The following ATP10D variants were observed in gnomAD, a reference collection of about 807,000 sequenced individuals.
ATP10D encodes the protein phospholipid-transporting ATPase VD.
ATP10D carries 89 observed loss-of-function variants against 144.8 expected under a neutral mutation model. The ratio of observed to expected loss-of-function variants is 0.61; its 90% CI spans 0.52 to 0.73. The LOEUF (loss-of-function observed/expected upper bound fraction) is 0.73. ATP10D is among the 30% of genes least tolerant of loss of function. ATP10D has a pLI of 0.00. For synonymous variants in ATP10D, 571 were observed against 615.1 expected (o/e 0.93, Z 1.06); for missense variants, 1,603 against 1,714.8 (o/e 0.93, Z 1.15).
intron 20 of ATP10D, among the ~76,000 whole-genome samples, chr4:47,581,702 G>T (rs1034260283): frequency 4.6e-5 from 7 of 152,212 alleles, no homozygotes; most frequent in African/African-American, 1.7e-4. Flanking sequence ...AGCTAGAAGT[G>T]TGAGTGAAAG....
In ATP10D at chr4:47,554,636, A is replaced by G. The variant is rs1043285495; in HGVS notation, c.1636-90A>G. ...GTTTACCATCTCATGATTCATTTAG[A>G]TCCTGGCTATACAAGTTATTTCTCA... On this transcript the variant is annotated intron_variant, in intron 10 of 22. Coordinates refer to ENST00000273859, the MANE Select transcript of ATP10D (RefSeq NM_020453.4). 3 of 1,033,082 alleles carry G rather than the reference A, an allele frequency of 2.9e-6. No homozygotes were observed. The African/African-American group carries it at 4.9e-5, about 17-fold the overall frequency. The allele number at this position is 1,033,082 out of a possible 1,614,324, so 64.0% of individuals were successfully genotyped here. A position where few individuals can be genotyped will look rare whatever the true frequency, so the allele number is the denominator to read the frequency against.
intron 9 of ATP10D, among the ~76,000 whole-genome samples, chr4:47,542,960 T>C (rs1718229340): frequency 6.6e-6 from 1 of 152,200 alleles, no homozygotes; most frequent in African/African-American, 2.4e-5. Context: ...GGCTAGGAGT[T>C]ACACGATCAT....
rs200009926 is a variant in ATP10D, at chr4:47,522,866, GC to G, written c.486-142del. The G allele has an allele frequency of 5.3e-4, 357 of 672,642 alleles. 3 individuals are homozygous for G. In the African/African-American group the frequency reaches 5.7e-3, roughly 11 times the overall value. The allele number at this position is 672,642 out of a possible 1,614,324, so 41.7% of individuals were successfully genotyped here. On this transcript the variant is annotated intron_variant, in intron 3 of 22. Transcript: ENST00000273859. ...TTACAGGCGTGAGCCAACTTGCCTGGCCCCTTTGAGCATTTAATAGATTAAA... is the reference window on the plus strand; with the variant it reads ...TTACAGGCGTGAGCCAACTTGCCTGGCCCTTTGAGCATTTAATAGATTAAA...
At chr4:47,506,733 T>G (rs1026824318) in intron 1 of ATP10D, among the ~76,000 whole-genome samples, 2 of 152,208 alleles carry the variant, frequency 1.3e-5, no homozygotes, top group African/African-American at 4.8e-5. Context: ...AGCACCTGGT[T>G]GTCTATGTGG....
intron 5 of ATP10D, among the ~76,000 whole-genome samples, chr4:47,528,729 C>T (rs1717405270): frequency 6.6e-6 from 1 of 152,092 alleles, no homozygotes; most frequent in Non-Finnish European, 1.5e-5. Context: ...GAGAGGTCTT[C>T]ATACTGTTAT....
At chr4:47,546,911 G>T in intron 10 of ATP10D, 49 bp downstream of exon 10, 1 of 1,522,814 alleles carries the variant, frequency 6.6e-7, no homozygotes. Context: ...AATGTATGAT[G>T]AGAGAACAGC....
At chr4:47,550,817 G>T (rs191903862) in intron 10 of ATP10D, among the ~76,000 whole-genome samples, 1 of 152,204 alleles carries the variant, frequency 6.6e-6, no homozygotes, top group South Asian at 2.1e-4. Context: ...TGCCAGATCC[G>T]CAGGGGTGGA....
At chr4:47,526,020 G>A (rs1284945692) in intron 5 of ATP10D, among the ~76,000 whole-genome samples, 5 of 152,186 alleles carry the variant, frequency 3.3e-5, no homozygotes, top group Non-Finnish European at 7.4e-5. Flanking sequence ...CTACTTCACA[G>A]TGTGAGAAGA....
chr4:47,581,787 T>A (rs1267638277), intron 20 of ATP10D, among the ~76,000 whole-genome samples, 173 bp from the exon 21 acceptor site: 8 of 152,176 alleles, frequency 5.3e-5, no homozygotes. Flanking sequence ...AGATGCCCTG[T>A]CTGGGAGAGA....
At chr4:47,519,354 G>A (rs1223692868) in intron 3 of ATP10D, among the ~76,000 whole-genome samples, 2 of 152,158 alleles carry the variant, frequency 1.3e-5, no homozygotes, top group African/African-American at 4.8e-5. Context: ...AACAAAATGG[G>A]CCTAGAAGCT....
chr4:47,521,480 A>G (rs1466817052), intron 3 of ATP10D, among the ~76,000 whole-genome samples: 1 of 152,044 alleles, frequency 6.6e-6, no homozygotes, highest in African/African-American at 2.4e-5. Flanking sequence ...GACCATCTTC[A>G]TTCCTCCCCT....
rs751728626 is a variant in ATP10D at position 47,560,983 on chromosome 4, G to A, written c.2576G>A (p.Arg859Lys). The change falls in exon 14 of 23, where the codon AGG becomes AAG. Residue 859 changes from arginine (R) to lysine (K), a missense_variant. Transcript: ENST00000273859. ...GACACTGAATATGCAGAGTGGCTGA[G>A]GAATCATTTTTTAGCTGAAACCAGC... ...MSDTEYAEWL[R>K]NHFLAETSID... 3.8e-5 allele frequency: 62 copies of A among 1,614,006 alleles called. No homozygotes were observed. Among genetic ancestry groups the A allele is most frequent in the Non-Finnish European group, 5.2e-5 (61 of 1,179,984 alleles).
intron 19 of ATP10D, among the ~76,000 whole-genome samples, chr4:47,579,983 G>A (rs1310591345): frequency 6.6e-6 from 1 of 152,214 alleles, no homozygotes; most frequent in Admixed American, 6.5e-5. Context: ...GAAGCAAAGA[G>A]GGCAGTTAGA....
At chr4:47,567,768 G>A (rs207464673) in intron 15 of ATP10D, among the ~76,000 whole-genome samples, 1 of 152,208 alleles carries the variant, frequency 6.6e-6, no homozygotes, top group African/African-American at 2.4e-5. Flanking sequence ...CTCCACAAGA[G>A]TGTTTATAGT....
In ATP10D at chr4:47,576,173, C is replaced by T. The variant is rs533864149; in HGVS notation, c.3367-600C>T. Among the ~76,000 whole-genome samples, 406 of 151,434 alleles carry T rather than the reference C, an allele frequency of 2.7e-3. 3 individuals are homozygous for T. Among genetic ancestry groups the T allele is most frequent in the African/African-American group, 9.4e-3 (389 of 41,260 alleles). ...GTCTCGATCTCCTGACCTCGTGATC[C>T]ACCCGCCTCGGCCTCCCAAAGTGTG... On this transcript the variant is annotated intron_variant, in intron 18 of 22. Coordinates refer to ENST00000273859, the MANE Select transcript of ATP10D (RefSeq NM_020453.4).
chr4:47,569,826 G>T (rs1414872193), intron 16 of ATP10D, among the ~76,000 whole-genome samples: 1 of 152,140 alleles, frequency 6.6e-6, no homozygotes, highest in African/African-American at 2.4e-5. Context: ...AATCATAAAG[G>T]GGCCATGGGA....
At chr4:47,546,276 G>A (rs1282968056) in intron 9 of ATP10D, among the ~76,000 whole-genome samples, 1 of 152,142 alleles carries the variant, frequency 6.6e-6, no homozygotes, top group Non-Finnish European at 1.5e-5. Context: ...TTGTAAGGGT[G>A]AAGTCATTGA....
At chr4:47,518,535 A>G (rs1716796917) in intron 3 of ATP10D, among the ~76,000 whole-genome samples, 1 of 152,208 alleles carries the variant, frequency 6.6e-6, no homozygotes, top group Admixed American at 6.5e-5. Flanking sequence ...GATTTAAACT[A>G]AAAATAGATA....
chr4:47,500,156 A>G (rs911462525), intron 1 of ATP10D, among the ~76,000 whole-genome samples: 2 of 152,260 alleles, frequency 1.3e-5, no homozygotes, highest in African/African-American at 4.8e-5. Context: ...GCCTGATATT[A>G]TACTCTTCTA....
Sources: gnomAD v4.1 joint callset for allele counts (sites outside exome capture counted in the v4.1 genomes callset) on GRCh38, gnomAD v4.1.1 for gene constraint, MANE v1.5 for transcripts, NCBI Gene and HGNC (gene_info 2026-07-23, HGNC 2026-07-21) for gene names.